The following FAM216A variants were observed in gnomAD, a reference collection of about 807,000 sequenced individuals.
FAM216A encodes the protein family with sequence similarity 216 member A.
In FAM216A, 26 loss-of-function variants were observed where a neutral mutation model predicts 37.6. That is an observed-to-expected ratio of 0.69 (90% CI 0.51 to 0.96). The LOEUF (loss-of-function observed/expected upper bound fraction) is 0.96. Among genes scored for constraint, FAM216A ranks in the 40% least tolerant of loss-of-function variants. The pLI, the probability that FAM216A is intolerant of heterozygous loss-of-function variation, is 0.00. For synonymous variants in FAM216A, 110 were observed against 121.7 expected, an observed-to-expected ratio of 0.90 and a Z score of 0.64; for missense variants, 326 against 339.3, an observed-to-expected ratio of 0.96 and a Z score of 0.31.
intron 2 of FAM216A, among the ~76,000 whole-genome samples, chr12:110,483,709 T>G (rs1438566031): frequency 6.6e-6 from 1 of 152,094 alleles, no homozygotes; most frequent in Non-Finnish European, 1.5e-5. Flanking sequence ...TCCCAGCTAC[T>G]TGGGGTGCTG....
intron 2 of FAM216A, among the ~76,000 whole-genome samples, chr12:110,475,994 T>TC (rs1306203698): frequency 9.9e-5 from 15 of 152,084 alleles, no homozygotes; most frequent in African/African-American, 3.6e-4. Flanking sequence ...CACCTCGGCC[T>TC]CCCAAAGTGC....
At position 110,486,562 on chromosome 12, in the gene FAM216A, T is replaced by G; in HGVS notation, c.465T>G (p.Leu155=). The G allele has an allele frequency of 6.2e-7, 1 of 1,613,978 alleles. No individual in the cohort carries two copies. The highest frequency in any genetic ancestry group is 1.1e-5 in the South Asian group (1 of 91,066). Reference sequence around the variant, plus strand: ...TCCTCACTCATCACAGAAGCCGCCTTAGCTCCCGTTACTCACAGAAACAGC... The same window carrying G: ...TCCTCACTCATCACAGAAGCCGCCTGAGCTCCCGTTACTCACAGAAACAGC... ...PGVLTHHRSR[L]SSRYSQKQHY... Residue 155 remains leucine, a synonymous_variant, in exon 5 of 7, where the codon CTT becomes CTG. Transcript: ENST00000377673.
Position 110,469,068 on chromosome 12 carries a change from C to T in FAM216A, c.143+50C>T. ...GGGTGGCAGCATGGGGCCCCCGGGTCGTGAGGCCCCCGGGTCGTGAGCCCC... is the reference window on the plus strand; with the variant it reads ...GGGTGGCAGCATGGGGCCCCCGGGTTGTGAGGCCCCCGGGTCGTGAGCCCC... On this transcript the variant is annotated intron_variant, in intron 1 of 6. Transcript: ENST00000377673. 2.2e-6 allele frequency: 3 copies of T among 1,377,836 alleles called. No individual in the cohort carries two copies. In the East Asian group the frequency reaches 8.7e-5, roughly 40 times the overall value. 85.4% of individuals were successfully genotyped at this position (1,377,836 alleles called of 1,614,324 possible). A position where few individuals can be genotyped will look rare whatever the true frequency, so the allele number is the denominator to read the frequency against.
intron 2 of FAM216A, among the ~76,000 whole-genome samples, chr12:110,476,776 C>A (rs1236826494): frequency 6.6e-6 from 1 of 152,040 alleles, no homozygotes; most frequent in East Asian, 1.9e-4. Context: ...ATTTGCCCAC[C>A]TCGGCCTCCC....
chr12:110,469,987 ACT>A (rs1592973039), intron 1 of FAM216A, among the ~76,000 whole-genome samples: 2 of 151,072 alleles, frequency 1.3e-5, no homozygotes, highest in South Asian at 4.2e-4. Flanking sequence ...ACTGCTGGAG[ACT>A]CTACCTCCTC....
intron 3 of FAM216A, among the ~76,000 whole-genome samples, 190 bp downstream of exon 3, chr12:110,485,389 A>G (rs974737216): frequency 2.6e-5 from 4 of 152,204 alleles, no homozygotes; most frequent in African/African-American, 4.8e-5. Context: ...ATTCTTTATC[A>G]TAAGAGTTAT....
At chr12:110,472,602 C>T (rs2062692818) in intron 1 of FAM216A, among the ~76,000 whole-genome samples, 1 of 151,840 alleles carries the variant, frequency 6.6e-6, no homozygotes, top group Non-Finnish European at 1.5e-5. Context: ...AGGATTTAAC[C>T]AGAATTATAG....
At chr12:110,476,393 A>T (rs1020578078) in intron 2 of FAM216A, among the ~76,000 whole-genome samples, 3 of 151,820 alleles carry the variant, frequency 2.0e-5, no homozygotes, top group African/African-American at 7.3e-5. Context: ...TCTTTTTAGT[A>T]GACATGGGGT....
At chr12:110,469,377 C>T (rs1019853175) in intron 1 of FAM216A, 10 of 235,010 alleles carry the variant, frequency 4.3e-5, no homozygotes, top group Admixed American at 2.3e-4. Context: ...AAAGGCGAGG[C>T]GGGAGGGACA....
chr12:110,479,542 A>C (rs2062734150), intron 2 of FAM216A, among the ~76,000 whole-genome samples: 1 of 151,932 alleles, frequency 6.6e-6, no homozygotes, highest in African/African-American at 2.4e-5. Context: ...AAAAAAAAAA[A>C]AAAGAAGCCT....
intron 6 of FAM216A, among the ~76,000 whole-genome samples, chr12:110,489,445 A>G (rs1250518431): frequency 6.6e-6 from 1 of 151,662 alleles, no homozygotes; most frequent in East Asian, 1.9e-4. Context: ...CGGAGCTTAC[A>G]GTGAGCCAAG....
chr12:110,473,494 G>A (rs1055280675), intron 2 of FAM216A, among the ~76,000 whole-genome samples: 1 of 152,204 alleles, frequency 6.6e-6, no homozygotes, highest in African/African-American at 2.4e-5. Context: ...TTACAGGCAT[G>A]AGCCACCACA....
intron 2 of FAM216A, among the ~76,000 whole-genome samples, chr12:110,481,697 G>T (rs1003240189): frequency 6.6e-6 from 1 of 152,044 alleles, no homozygotes. Flanking sequence ...TTTCTGTAAA[G>T]AAATGTTATC....
intron 6 of FAM216A, among the ~76,000 whole-genome samples, chr12:110,488,725 T>G (rs2062791409): frequency 6.6e-6 from 1 of 152,222 alleles, no homozygotes; most frequent in African/African-American, 2.4e-5. Flanking sequence ...GGCTGAAATC[T>G]TGGATACTAC....
At chr12:110,484,453 A>C (rs1467422984) in intron 2 of FAM216A, among the ~76,000 whole-genome samples, 3 of 148,958 alleles carry the variant, frequency 2.0e-5, no homozygotes, top group Non-Finnish European at 3.0e-5. Context: ...AAAAAAAAAA[A>C]AACTATATAG....
In FAM216A at chr12:110,487,496, T is replaced by A. The variant is rs2062783952; in HGVS notation, c.621-365T>A. 4 of 197,434 alleles carry A rather than the reference T, an allele frequency of 2.0e-5. No homozygotes were observed. The Admixed American group carries it at 2.5e-4, about 12-fold the overall frequency. 12.2% of individuals were successfully genotyped at this position (197,434 alleles called of 1,614,324 possible). A position where few individuals can be genotyped will look rare whatever the true frequency, so the allele number is the denominator to read the frequency against. On this transcript the variant is annotated intron_variant, in intron 5 of 6. Transcript: ENST00000377673. Reference sequence around the variant, plus strand: ...TAAGAATATGCCACTTCTTTTAGAATATATTTTGTGGAATTATAAAAATTT... The same window carrying A: ...TAAGAATATGCCACTTCTTTTAGAAAATATTTTGTGGAATTATAAAAATTT...
chr12:110,469,008 G>A lies in FAM216A; in HGVS notation c.133G>A (p.Gly45Ser). Residue 45 changes from glycine (G) to serine (S), a missense_variant, in exon 1 of 7, where the codon GGC becomes AGC. Gly to Ser is a moderately conservative substitution (Grantham distance 56). Coordinates refer to ENST00000377673, the MANE Select transcript of FAM216A (RefSeq NM_013300.3). ...GCCCGCTGTGGCCGGGACCGAGGGT[G>A]GCGGCGGCGGGTGAGGTTGGGGGCC... Reference protein sequence around the residue: ...EPPAVAGTEGGGGGSAGYSCY... With the variant: ...EPPAVAGTEGSGGGSAGYSCY... 1 of 1,476,460 alleles carries A rather than the reference G, an allele frequency of 6.8e-7. No individual in the cohort carries two copies. The highest frequency in any genetic ancestry group is 9.0e-7 in the Non-Finnish European group (1 of 1,115,212). The allele number at this position is 1,476,460 out of a possible 1,614,324, so 91.5% of individuals were successfully genotyped here.
At chr12:110,478,121 A>T (rs182644850) in intron 2 of FAM216A, among the ~76,000 whole-genome samples, 28 of 152,300 alleles carry the variant, frequency 1.8e-4, no homozygotes, top group Non-Finnish European at 3.5e-4. Context: ...ATAATTGTCA[A>T]CACATGGATT....
intron 6 of FAM216A, among the ~76,000 whole-genome samples, chr12:110,488,368 G>T (rs888863608): frequency 1.4e-5 from 2 of 144,356 alleles, no homozygotes; most frequent in African/African-American, 5.2e-5. Flanking sequence ...CTGAGATTGC[G>T]CCACTGTACT....
Sources: allele counts gnomAD v4.1 joint callset (sites outside exome capture counted in the v4.1 genomes callset), GRCh38; gene constraint gnomAD v4.1.1; transcripts MANE v1.5; gene names NCBI Gene and HGNC (gene_info 2026-07-23, HGNC 2026-07-21).